Variants in RALGAPA2 observed in about 807,000 individuals in gnomAD.
RALGAPA2 encodes the protein Ral GTPase activating protein catalytic subunit alpha 2, also known as ral GTPase-activating protein subunit alpha-2.
Under a neutral mutation model 230.4 loss-of-function variants are expected in RALGAPA2, and 139 were observed. The observed-to-expected ratio is 0.60, with a 90% CI of 0.53 to 0.69. The LOEUF (loss-of-function observed/expected upper bound fraction) is 0.69. Ranked by LOEUF, RALGAPA2 falls within the 30% of genes least tolerant of loss-of-function variation. The pLI, the probability that RALGAPA2 is intolerant of heterozygous loss-of-function variation, is 0.00. For missense variants in RALGAPA2, 2,163 were observed against 2,276.0 expected (o/e 0.95, Z 1.01); for synonymous variants, 847 against 837.8 (o/e 1.01, Z -0.19).
intron 16 of RALGAPA2, among the ~76,000 whole-genome samples, chr20:20,592,543 A>T (rs942557621): frequency 5.9e-5 from 9 of 152,138 alleles, no homozygotes; most frequent in Non-Finnish European, 1.3e-4. Context: ...TTCCACACTC[A>T]CTGACGTAGT....
chr20:20,427,486 A>G (rs1483412890), intron 37 of RALGAPA2, among the ~76,000 whole-genome samples: 1 of 151,754 alleles, frequency 6.6e-6, no homozygotes, highest in Non-Finnish European at 1.5e-5. Context: ...CCTGTCACTC[A>G]TCCCTTCATT....
At chr20:20,673,243 G>T (rs1303121579) in intron 3 of RALGAPA2, among the ~76,000 whole-genome samples, 1 of 148,474 alleles carries the variant, frequency 6.7e-6, no homozygotes, top group Non-Finnish European at 1.5e-5. Context: ...TGAAAAAAAA[G>T]AAGCCAGAAA....
chr20:20,706,296 C>T (rs778777915), intron 1 of RALGAPA2, among the ~76,000 whole-genome samples: 6 of 152,112 alleles, frequency 3.9e-5, no homozygotes, highest in Admixed American at 6.5e-5. Flanking sequence ...GCTACATATA[C>T]GTGTCCAAAG....
intron 4 of RALGAPA2, among the ~76,000 whole-genome samples, chr20:20,650,675 G>C (rs1039889907): frequency 3.3e-5 from 5 of 152,162 alleles, no homozygotes; most frequent in Non-Finnish European, 5.9e-5. Context: ...AGACTCAGAA[G>C]TTTTGTAAAA....
intron 33 of RALGAPA2, among the ~76,000 whole-genome samples, chr20:20,509,584 A>G (rs1440587530): frequency 6.6e-6 from 1 of 152,226 alleles, no homozygotes; most frequent in Non-Finnish European, 1.5e-5. Flanking sequence ...CATTCCCAAG[A>G]CTTGGAAACA....
chr20:20,549,648 T>A (rs2063869394), intron 23 of RALGAPA2, among the ~76,000 whole-genome samples: 1 of 152,158 alleles, frequency 6.6e-6, no homozygotes, highest in African/African-American at 2.4e-5. Context: ...ATCTTTGTGA[T>A]AACATTTTAA....
In RALGAPA2 at chr20:20,503,403, A is replaced by C. The variant is rs772231663; in HGVS notation, c.5156T>G (p.Phe1719Cys). ...TGACGGCATTCGAGTGGAAACATGG[A>C]AAATCACTTCCACAGTTGAGGTAGC... ...YYATSTVEVIFHVSTRMPSDS... is the reference protein window; with the variant it reads ...YYATSTVEVICHVSTRMPSDS... Residue 1719 changes from phenylalanine to cysteine, a missense_variant, in exon 35 of 40, where the codon TTC (phenylalanine) becomes TGC (cysteine). Coordinates refer to ENST00000202677, the MANE Select transcript of RALGAPA2 (RefSeq NM_020343.4). 1.2e-6 allele frequency: 2 copies of C among 1,606,050 alleles called. No homozygotes were observed. Among genetic ancestry groups the C allele is most frequent in the South Asian group, 2.2e-5 (2 of 90,378 alleles).
intron 4 of RALGAPA2, among the ~76,000 whole-genome samples, chr20:20,645,217 C>T (rs1264479633): frequency 6.8e-6 from 1 of 146,914 alleles, no homozygotes; most frequent in African/African-American, 2.5e-5. Context: ...TGGGTTCTAG[C>T]AATTCTCCTG....
chr20:20,489,578 AAAG>A (rs1252506014), intron 36 of RALGAPA2, among the ~76,000 whole-genome samples: 2 of 151,976 alleles, frequency 1.3e-5, no homozygotes, highest in Non-Finnish European at 2.9e-5. Context: ...AAAAAAAAAA[AAAG>A]AGCAAAAAAC....
chr20:20,454,838 C>A, intron 37 of RALGAPA2, among the ~76,000 whole-genome samples: 1 of 152,260 alleles, frequency 6.6e-6, no homozygotes, highest in Admixed American at 6.5e-5. Context: ...CAGTTACTGG[C>A]ATTTCAAATA....
intron 24 of RALGAPA2, among the ~76,000 whole-genome samples, chr20:20,546,315 C>G (rs970390686): frequency 3.3e-5 from 5 of 151,638 alleles, no homozygotes; most frequent in Admixed American, 1.3e-4. Context: ...TTATAATAAC[C>G]AAGACTTAAT....
chr20:20,638,473 G>A (rs551214376), intron 7 of RALGAPA2, among the ~76,000 whole-genome samples: 2 of 152,288 alleles, frequency 1.3e-5, no homozygotes, highest in Non-Finnish European at 2.9e-5. Flanking sequence ...AAGGCAGAAG[G>A]GAGGCACAGA....
At chr20:20,438,173 C>T (rs1203086303) in intron 37 of RALGAPA2, among the ~76,000 whole-genome samples, 1 of 152,204 alleles carries the variant, frequency 6.6e-6, no homozygotes, top group African/African-American at 2.4e-5. Context: ...CACAGTGATA[C>T]TACCTGTGAC....
intron 3 of RALGAPA2, chr20:20,659,701 AGC>A: frequency 2.1e-6 from 1 of 478,656 alleles, no homozygotes; most frequent in Non-Finnish European, 3.9e-6. Flanking sequence ...CAACAGCAGC[AGC>A]GAGAGGATGA....
chr20:20,413,993 C>T (rs1397099402), intron 37 of RALGAPA2, among the ~76,000 whole-genome samples: 5 of 152,372 alleles, frequency 3.3e-5, no homozygotes, highest in South Asian at 2.1e-4. Context: ...ACTTGGCTGT[C>T]GCCACGGCTC....
At chr20:20,427,590 C>A (rs1183260668) in intron 37 of RALGAPA2, among the ~76,000 whole-genome samples, 1 of 151,974 alleles carries the variant, frequency 6.6e-6, no homozygotes, top group Non-Finnish European at 1.5e-5. Context: ...GCACTGGGTG[C>A]CTTGTGTGTC....
At chr20:20,562,666 A>G (rs1252893062) in intron 23 of RALGAPA2, among the ~76,000 whole-genome samples, 1 of 152,208 alleles carries the variant, frequency 6.6e-6, no homozygotes, top group Non-Finnish European at 1.5e-5. Flanking sequence ...ATCAGCCTCC[A>G]TGCTATCATC....
At chr20:20,691,313 TA>T (rs1700240726) in intron 1 of RALGAPA2, among the ~76,000 whole-genome samples, 1 of 152,166 alleles carries the variant, frequency 6.6e-6, no homozygotes, top group Admixed American at 6.6e-5. Flanking sequence ...TTCCTCTTTT[TA>T]GTCAGTCATT....
At chr20:20,686,043 T>A (rs2068687209) in intron 1 of RALGAPA2, among the ~76,000 whole-genome samples, 1 of 152,056 alleles carries the variant, frequency 6.6e-6, no homozygotes, top group African/African-American at 2.4e-5. Flanking sequence ...CCAAAGATAA[T>A]CTTCTACATA....
Sources: allele counts gnomAD v4.1 joint callset (sites outside exome capture counted in the v4.1 genomes callset), GRCh38; gene constraint gnomAD v4.1.1; transcripts MANE v1.5; gene names NCBI Gene and HGNC (gene_info 2026-07-23, HGNC 2026-07-21).